SPOCK3: variants seen among roughly 807,000 people sequenced by gnomAD.
SPOCK3 encodes the protein SPARC (osteonectin), cwcv and kazal like domains proteoglycan 3.
A neutral mutation model predicts 56.6 loss-of-function variants in SPOCK3; 30 were observed. The ratio of observed to expected loss-of-function variants is 0.53; its 90% confidence interval spans 0.40 to 0.72. The LOEUF (loss-of-function observed/expected upper bound fraction) is 0.72. SPOCK3 is among the 30% of genes least tolerant of loss of function. The pLI is 0.00. For missense variants in SPOCK3, 527 were observed against 530.0 expected, an observed-to-expected ratio of 0.99 and a Z score of 0.06; for synonymous variants, 196 against 183.3, an observed-to-expected ratio of 1.07 and a Z score of -0.56.
At chr4:166,769,825 G>A (rs1738682515) in intron 7 of SPOCK3, among the ~76,000 whole-genome samples, 1 of 152,200 alleles carries the variant, frequency 6.6e-6, no homozygotes, top group Non-Finnish European at 1.5e-5. Context: ...TTGAGCAGCA[G>A]TGGGCTCTAC....
At chr4:166,735,653 T>C (rs1189418775) in intron 10 of SPOCK3, among the ~76,000 whole-genome samples, 1 of 151,966 alleles carries the variant, frequency 6.6e-6, no homozygotes, top group Non-Finnish European at 1.5e-5. Context: ...AGAAGAATGA[T>C]CAGAGATGCA....
intron 2 of SPOCK3, among the ~76,000 whole-genome samples, chr4:167,074,343 C>G (rs1409898019): frequency 6.6e-6 from 1 of 151,964 alleles, no homozygotes; most frequent in Non-Finnish European, 1.5e-5. Context: ...GCCTGCAACT[C>G]TTCCACGTGG....
chr4:167,227,644 A>G (rs1459270952), intron 2 of SPOCK3, among the ~76,000 whole-genome samples: 1 of 152,184 alleles, frequency 6.6e-6, no homozygotes, highest in Non-Finnish European at 1.5e-5. Context: ...GATTTTCATA[A>G]ATGAAAAAAG....
intron 3 of SPOCK3, among the ~76,000 whole-genome samples, chr4:167,042,479 G>C (rs1313267726): frequency 6.6e-6 from 1 of 152,126 alleles, no homozygotes; most frequent in Non-Finnish European, 1.5e-5. Flanking sequence ...TCCAGGCATG[G>C]AGCTAATGAT....
At chr4:166,996,303 T>C (rs1017551773) in intron 4 of SPOCK3, among the ~76,000 whole-genome samples, 3 of 152,172 alleles carry the variant, frequency 2.0e-5, no homozygotes, top group Admixed American at 6.6e-5. Context: ...TTCCTTTTAA[T>C]ATCAGCAGCA....
rs893076268 is a variant in SPOCK3, at chr4:166,792,333, A to G, written c.590-44T>C. The G allele has an allele frequency of 3.1e-6, 5 of 1,606,162 alleles. No individual in the cohort carries two copies. The African/African-American group carries it at 4.0e-5, about 13-fold the overall frequency. ...CACAAGTCTTGAATAATATCTTAGT[A>G]TAATGTTAGTGCTATTTCTCTCATT... On this transcript the variant is annotated intron_variant, in intron 6 of 10. Transcript: ENST00000357545.
chr4:166,994,520 A>G (rs1748152164), intron 4 of SPOCK3, among the ~76,000 whole-genome samples: 2 of 152,136 alleles, frequency 1.3e-5, no homozygotes, highest in Non-Finnish European at 2.9e-5. Flanking sequence ...GGAGAAAACT[A>G]CAGAGGAGGC....
chr4:167,084,684 G>A (rs541205146), intron 2 of SPOCK3, among the ~76,000 whole-genome samples: 1 of 152,172 alleles, frequency 6.6e-6, no homozygotes, highest in East Asian at 1.9e-4. Flanking sequence ...AGGTATCTGA[G>A]GTGCCCACCC....
chr4:167,156,420 T>C (rs891230130), intron 2 of SPOCK3, among the ~76,000 whole-genome samples: 1 of 152,162 alleles, frequency 6.6e-6, no homozygotes, highest in Non-Finnish European at 1.5e-5. Flanking sequence ...TGCACACATA[T>C]GTACACATGC....
chr4:166,875,954 T>C (rs554014886), intron 6 of SPOCK3, among the ~76,000 whole-genome samples: 39 of 139,878 alleles, frequency 2.8e-4, no homozygotes, highest in African/African-American at 1.0e-3. Context: ...TGAATTCCCA[T>C]TGCCCCCTCA....
At chr4:166,794,055 G>A (rs1363491927) in intron 6 of SPOCK3, among the ~76,000 whole-genome samples, 2 of 151,890 alleles carry the variant, frequency 1.3e-5, no homozygotes, top group African/African-American at 4.8e-5. Context: ...GAGCAAGATG[G>A]CAGTAAGATT....
At position 167,148,488 on chromosome 4, in the gene SPOCK3, C is replaced by A. The variant is rs141195233; in HGVS notation, c.189+85497G>T. Reference sequence around the variant, plus strand: ...CTATAACTAATTGGCTTCAACCAATCGTGTTAAACTTTTACTCTACTACCA... The same window carrying A: ...CTATAACTAATTGGCTTCAACCAATAGTGTTAAACTTTTACTCTACTACCA... On this transcript the variant is annotated intron_variant, in intron 2 of 10. Coordinates refer to ENST00000357545, the MANE Select transcript of SPOCK3 (RefSeq NM_001040159.2). 2.6e-3 allele frequency among the ~76,000 whole-genome samples: 393 copies of A among 152,156 alleles called. 2 individuals carry two copies. The highest frequency in any genetic ancestry group is 8.9e-3 in the African/African-American group (371 of 41,516).
intron 6 of SPOCK3, among the ~76,000 whole-genome samples, chr4:166,825,790 A>G (rs1158143301): frequency 6.6e-6 from 1 of 152,120 alleles, no homozygotes; most frequent in East Asian, 1.9e-4. Context: ...GTAATTCAGG[A>G]AAGGAAAATC....
At chr4:166,898,044 A>G (rs1328757338) in intron 5 of SPOCK3, among the ~76,000 whole-genome samples, 1 of 151,896 alleles carries the variant, frequency 6.6e-6, no homozygotes, top group East Asian at 1.9e-4. Flanking sequence ...ATAAAAATAA[A>G]AAAAAAAGTG....
chr4:166,850,605 T>C (rs961662260), intron 6 of SPOCK3, among the ~76,000 whole-genome samples: 5 of 152,150 alleles, frequency 3.3e-5, no homozygotes, highest in African/African-American at 1.2e-4. Context: ...GGTCACTGGG[T>C]GCGTGCACCG....
intron 8 of SPOCK3, among the ~76,000 whole-genome samples, chr4:166,752,607 CACACACAT>C (rs1356930787): frequency 2.9e-5 from 4 of 137,524 alleles, no homozygotes; most frequent in South Asian, 4.6e-4. Context: ...CACACACACA[CACACACAT>C]ATATTTATAG....
Position 167,103,714 on chromosome 4 carries a change from G to T in SPOCK3, c.190-41177C>A, listed in dbSNP as rs1178381923. On this transcript the variant is annotated intron_variant, in intron 2 of 10. Coordinates refer to ENST00000357545, the MANE Select transcript of SPOCK3 (RefSeq NM_001040159.2). Reference sequence around the variant, plus strand: ...AGCCTAGCTGGCTTCACCACCTGCAGATAGTAGAGCCCTAGGACCTTGAGC... The same window carrying T: ...AGCCTAGCTGGCTTCACCACCTGCATATAGTAGAGCCCTAGGACCTTGAGC... Among the ~76,000 whole-genome samples, 5 of 152,296 alleles carry T rather than the reference G, an allele frequency of 3.3e-5. No individual in the cohort carries two copies. In the East Asian group the frequency reaches 7.7e-4, roughly 24 times the overall value.
chr4:166,813,891 T>C (rs1039512739), intron 6 of SPOCK3, among the ~76,000 whole-genome samples: 26 of 152,084 alleles, frequency 1.7e-4, no homozygotes, highest in Non-Finnish European at 1.8e-4. Context: ...CTAAGGAGGA[T>C]AAGGCATTGG....
chr4:167,062,758 A>C (rs1249989890), intron 2 of SPOCK3: 2 of 508,854 alleles, frequency 3.9e-6, no homozygotes, highest in Admixed American at 3.7e-5. Flanking sequence ...AGTTACAGAA[A>C]TGTCTTTCAA....
Sources: gnomAD v4.1 joint callset for allele counts (sites outside exome capture counted in the v4.1 genomes callset) on GRCh38, gnomAD v4.1.1 for gene constraint, MANE v1.5 for transcripts, NCBI Gene and HGNC (gene_info 2026-07-23, HGNC 2026-07-21) for gene names.